The following DAB2IP variants were observed in gnomAD, a reference collection of about 807,000 sequenced individuals.
DAB2IP encodes DAB2 interacting protein.
Under a neutral mutation model 107.2 loss-of-function variants are expected in DAB2IP, and 28 were observed. The ratio of observed to expected loss-of-function variants is 0.26; its 90% CI spans 0.19 to 0.36. The LOEUF (loss-of-function observed/expected upper bound fraction) is 0.36. Ranked by LOEUF, DAB2IP falls within the 10% of genes least tolerant of loss-of-function variation. The pLI, the probability that DAB2IP is intolerant of heterozygous loss-of-function variation, is 1.00. For missense variants in DAB2IP, 1,400 were observed against 1,644.7 expected (o/e 0.85, Z 2.57); for synonymous variants, 755 against 706.4 (o/e 1.07, Z -1.09).
chr9:121,622,048 G>A (rs1162549615), intron 1 of DAB2IP, among the ~76,000 whole-genome samples: 1 of 147,318 alleles, frequency 6.8e-6, no homozygotes, highest in Non-Finnish European at 1.5e-5. Flanking sequence ...GAGTGCAGTG[G>A]CGCGATCTCA....
intron 1 of DAB2IP, among the ~76,000 whole-genome samples, chr9:121,636,630 A>C (rs1832098106): frequency 6.6e-6 from 1 of 152,084 alleles, no homozygotes; most frequent in African/African-American, 2.4e-5. Context: ...CTGGTACGAG[A>C]GTGAGGTAAG....
chr9:121,757,499 G>A (rs1833578094), intron 4 of DAB2IP, among the ~76,000 whole-genome samples: 1 of 152,162 alleles, frequency 6.6e-6, no homozygotes, highest in Admixed American at 6.5e-5. Flanking sequence ...CTTAGAGCCT[G>A]CTCACCTCCC....
At chr9:121,753,656 A>C (rs1441380976) in intron 3 of DAB2IP, among the ~76,000 whole-genome samples, 1 of 152,064 alleles carries the variant, frequency 6.6e-6, no homozygotes, top group Non-Finnish European at 1.5e-5. Flanking sequence ...GGGTAGATGA[A>C]TACTCCTGGC....
At chr9:121,661,300 G>T (rs535486793) in intron 1 of DAB2IP, among the ~76,000 whole-genome samples, 11 of 152,190 alleles carry the variant, frequency 7.2e-5, no homozygotes, top group African/African-American at 2.6e-4. Context: ...GAGAAGTTTG[G>T]TGAAAATGGG....
chr9:121,694,786 CG>C (rs2118708919), intron 2 of DAB2IP, among the ~76,000 whole-genome samples: 1 of 152,184 alleles, frequency 6.6e-6, no homozygotes, highest in Admixed American at 6.5e-5. Flanking sequence ...CAGAGAGGGG[CG>C]GGGGCTACAC....
At chr9:121,632,670 G>A (rs949935373) in intron 1 of DAB2IP, among the ~76,000 whole-genome samples, 1 of 152,148 alleles carries the variant, frequency 6.6e-6, no homozygotes, top group Admixed American at 6.5e-5. Context: ...GTCTAACCCC[G>A]TTCTTTTCCT....
rs1467617659 is a variant in DAB2IP at position 121,599,529 on chromosome 9, C to T, written c.40+32301C>T. Among the ~76,000 whole-genome samples, 3 of 151,808 alleles carry T rather than the reference C, an allele frequency of 2.0e-5. No homozygotes were observed. The East Asian group carries it at 5.8e-4, about 29-fold the overall frequency. ...GGCAGGCCGGGTGGCCGCGGGAGCC[C>T]GGGAGCCGTAGAGCGGCGGCGCCGG... On this transcript the variant is annotated intron_variant, in intron 1 of 16. Transcript: ENST00000259371. The surrounding 1 kb of genome is among the most constrained non-coding windows in gnomAD (Gnocchi z 6.9).
In DAB2IP at chr9:121,573,677, CTGGCCT is replaced by C. The variant is rs1409598560; in HGVS notation, c.40+6450_40+6455del. On this transcript the variant is annotated intron_variant, in intron 1 of 16. Transcript: ENST00000259371. Reference sequence around the variant, plus strand: ...GGATTAGAGGTGTGAGCCACTGCATCTGGCCTACATTGTCTTCTGAATCCTTGCAAT... The same window carrying C: ...GGATTAGAGGTGTGAGCCACTGCATCACATTGTCTTCTGAATCCTTGCAAT... Among the ~76,000 whole-genome samples the C allele has an allele frequency of 6.6e-5, 10 of 152,282 alleles. No homozygotes were observed. The East Asian group carries it at 1.9e-3, about 29-fold the overall frequency.
exon 4 of DAB2IP, chr9:121,757,050 C>T: frequency 6.2e-7 from 1 of 1,614,182 alleles, no homozygotes; most frequent in African/African-American, 1.3e-5. Context: ...GTCTCGCTCC[C>T]ACGAGTCCCT....
upstream of DAB2IP, among the ~76,000 whole-genome samples, chr9:121,646,599 C>A (rs1439065126): frequency 1.3e-5 from 2 of 150,612 alleles, no homozygotes; most frequent in Non-Finnish European, 3.0e-5. Context: ...GCCTGCCTGG[C>A]TGGGGACTTC....
At chr9:121,722,046 C>A (rs1830968755) in intron 3 of DAB2IP, among the ~76,000 whole-genome samples, 1 of 152,222 alleles carries the variant, frequency 6.6e-6, no homozygotes, top group African/African-American at 2.4e-5. Context: ...CCAACACCGT[C>A]ACATAAATGA....
chr9:121,685,885 C>G (rs140532650), intron 2 of DAB2IP, among the ~76,000 whole-genome samples: 1 of 152,178 alleles, frequency 6.6e-6, no homozygotes, highest in Non-Finnish European at 1.5e-5. Context: ...AGGAACTGAG[C>G]GCAGTTTGGG....
At chr9:121,700,025 CGGGCAGTGCCCAGGCCCTGAGCT>C (rs1465643394) in intron 3 of DAB2IP, among the ~76,000 whole-genome samples, 1 of 152,214 alleles carries the variant, frequency 6.6e-6, no homozygotes, top group Admixed American at 6.5e-5. Context: ...GCTAGCAGAG[CGGGCAGTGCCCAGGCCCTGAGCT>C]GGGGGCACAG....
chr9:121,704,428 G>T (rs937633539), intron 3 of DAB2IP, among the ~76,000 whole-genome samples: 1 of 152,174 alleles, frequency 6.6e-6, no homozygotes, highest in Non-Finnish European at 1.5e-5. Flanking sequence ...TGATCGAATA[G>T]TGCTTTCCTG....
chr9:121,689,248 C>T (rs1829039402), intron 2 of DAB2IP, among the ~76,000 whole-genome samples: 3 of 151,074 alleles, frequency 2.0e-5, no homozygotes, highest in Admixed American at 1.3e-4. Context: ...GAGCTGAGAT[C>T]GCGCCACTAC....
At chr9:121,691,956 C>T (rs114094393) in intron 2 of DAB2IP, among the ~76,000 whole-genome samples, 3 of 152,324 alleles carry the variant, frequency 2.0e-5, no homozygotes, top group African/African-American at 2.4e-5. Flanking sequence ...GCTGTAAAAA[C>T]GAGCTTTGAG....
intron 1 of DAB2IP, among the ~76,000 whole-genome samples, chr9:121,625,420 A>T (rs112725583): frequency 0.01 from 1,506 of 150,154 alleles, 9 homozygotes; most frequent in Non-Finnish European, 0.012. Flanking sequence ...TTTTTTTTTT[A>T]AATTTTAATT....
Position 121,734,558 on chromosome 9 carries a change from T to C in DAB2IP, c.363-22455T>C, listed in dbSNP as rs548711590. 3.3e-5 allele frequency among the ~76,000 whole-genome samples: 5 copies of C among 152,344 alleles called. No individual in the cohort carries two copies. In the East Asian group the frequency reaches 9.6e-4, roughly 29 times the overall value. On this transcript the variant is annotated intron_variant, in intron 3 of 15. Coordinates refer to ENST00000408936, the Ensembl canonical transcript of DAB2IP. ...CCTCAGATGCAGGCTCATTTCTTGT[T>C]AGCTCGTGACTCCTTACTATGAGAG...
intron 1 of DAB2IP, among the ~76,000 whole-genome samples, chr9:121,659,124 C>T (rs558717939): frequency 6.6e-6 from 1 of 152,338 alleles, no homozygotes; most frequent in East Asian, 1.9e-4. Context: ...CTTCCCCAAG[C>T]CCCTGGCTGA....
Sources: gnomAD v4.1 joint callset for allele counts (sites outside exome capture counted in the v4.1 genomes callset) on GRCh38, gnomAD v4.1.1 for gene constraint, Gnocchi (gnomAD v3.1) non-coding constraint, MANE v1.5 for transcripts, NCBI Gene and HGNC (gene_info 2026-07-23, HGNC 2026-07-21) for gene names.